Variants in ATG13 observed in about 807,000 individuals in gnomAD.
ATG13 encodes the protein autophagy-related protein 13.
Under a neutral mutation model 65.5 loss-of-function variants are expected in ATG13, and 23 were observed. That is an observed-to-expected ratio of 0.35 (90% CI 0.25 to 0.50). The LOEUF is 0.50. Ranked by LOEUF, ATG13 falls within the 20% of genes least tolerant of loss-of-function variation. The pLI is 0.98. For synonymous variants in ATG13, 252 were observed against 245.2 expected, an observed-to-expected ratio of 1.03 and a Z score of -0.26; for missense variants, 566 against 677.0, an observed-to-expected ratio of 0.84 and a Z score of 1.82.
Position 46,673,788 on chromosome 11 carries a change from A to T in ATG13, c.*1456A>T, listed in dbSNP as rs2064235094. 1.3e-5 allele frequency: 2 copies of T among 152,076 alleles called. No individual in the cohort carries two copies. Among genetic ancestry groups the T allele is most frequent in the African/African-American group, 4.8e-5 (2 of 41,396 alleles). 9.4% of individuals were successfully genotyped at this position (152,076 alleles called of 1,614,324 possible). A position where few individuals can be genotyped will look rare whatever the true frequency, so the allele number is the denominator to read the frequency against. Reference sequence around the variant, plus strand: ...CTCGCTGGTAGTCCTGGTCAAGGAGATCTAGGTCTACTCCATTCCTCCTGG... The same window carrying T: ...CTCGCTGGTAGTCCTGGTCAAGGAGTTCTAGGTCTACTCCATTCCTCCTGG... On this transcript the variant is annotated 3_prime_UTR_variant, in exon 19 of 19. Coordinates refer to ENST00000683050, the MANE Select transcript of ATG13 (RefSeq NM_001346311.2).
At position 46,668,517 on chromosome 11, in the gene ATG13, G is replaced by A; in HGVS notation, c.1270G>A (p.Asp424Asn). The change falls in exon 16 of 19, where the codon GAT becomes AAT. Residue 424 changes from aspartate (D) to asparagine (N), a missense_variant. Physicochemically the swap from Asp to Asn is conservative, Grantham distance 23 (BLOSUM62 1). Around this residue, in one of 2 missense-constraint regions of ATG13, gnomAD observed 387 missense variants for 409.8 expected, o/e 0.94. Transcript: ENST00000683050. ...PINQVTLTSL[D>N]IPFAMFAPKN... ...TCTTCAGGTGACCCTGACGAGTTTG[G>A]ATATACCCTTTGCCATGTTTGCTCC... 1 of 1,614,194 alleles carries A rather than the reference G, an allele frequency of 6.2e-7. No homozygotes were observed. The highest frequency in any genetic ancestry group is 8.5e-7 in the Non-Finnish European group (1 of 1,180,030).
At chr11:46,650,350 C>T in intron 7 of ATG13, 33 bp downstream of exon 7, 2 of 1,594,910 alleles carry the variant, frequency 1.3e-6, no homozygotes, top group Non-Finnish European at 1.7e-6. Flanking sequence ...TTGATTCACT[C>T]ATCAACCCCC....
rs1211773959 is a variant in ATG13 at position 46,657,630 on chromosome 11, A to C, written c.695+8A>C. The C allele has an allele frequency of 6.3e-7, 1 of 1,584,452 alleles. No individual in the cohort carries two copies. Among genetic ancestry groups the C allele is most frequent in the African/African-American group, 1.3e-5 (1 of 74,102 alleles). On this transcript the variant is annotated splice_region_variant and intron_variant, in intron 10 of 18. Transcript: ENST00000683050. The stretch of plus-strand genomic sequence containing the variant: ...GCACCCCTGCAATTACAGGTGAGGA[A>C]TGTGAAAAGGTGCTCTCCCAAACTG...
chr11:46,641,760 A>ATTT (rs56660832), intron 2 of ATG13, among the ~76,000 whole-genome samples: 10 of 144,278 alleles, frequency 6.9e-5, no homozygotes, highest in African/African-American at 2.0e-4. Context: ...GTTATACCTG[A>ATTT]TTTTTTTTTT....
intron 15 of ATG13, among the ~76,000 whole-genome samples, 198 bp from the exon 16 acceptor site, chr11:46,668,301 T>A (rs1383576641): frequency 6.6e-6 from 1 of 152,176 alleles, no homozygotes; most frequent in Non-Finnish European, 1.5e-5. Context: ...AACCCTTGTT[T>A]ATGCTGTGGG....
chr11:46,657,641 T>G lies in ATG13; in HGVS notation c.695+19T>G. ...ATTACAGGTGAGGAATGTGAAAAGG[T>G]GCTCTCCCAAACTGCAGCTGGGCAG... is the stretch of plus-strand genomic sequence containing the variant. On this transcript the variant is annotated intron_variant, in intron 10 of 18. Transcript: ENST00000683050. 6.4e-7 allele frequency: 1 copy of G among 1,565,016 alleles called. No homozygotes were observed. The highest frequency in any genetic ancestry group is 8.7e-7 in the Non-Finnish European group (1 of 1,152,122).
rs1409765831 is a variant in ATG13 at position 46,672,396 on chromosome 11, G to T, written c.*64G>T. On this transcript the variant is annotated 3_prime_UTR_variant, in exon 19 of 19. Transcript: ENST00000683050. Reference sequence around the variant, plus strand: ...CCCCAGGGCATAAGCAGCCTCCCATGCATCAGCTGCTCCCACCCCTCATCC... The same window carrying T: ...CCCCAGGGCATAAGCAGCCTCCCATTCATCAGCTGCTCCCACCCCTCATCC... The T allele has an allele frequency of 3.1e-6, 5 of 1,612,014 alleles. No homozygotes were observed. Among genetic ancestry groups the T allele is most frequent in the Non-Finnish European group, 3.4e-6 (4 of 1,178,616 alleles).
intron 18 of ATG13, among the ~76,000 whole-genome samples, chr11:46,670,858 A>G (rs1484766952): frequency 6.6e-6 from 1 of 152,156 alleles, no homozygotes; most frequent in Non-Finnish European, 1.5e-5. Flanking sequence ...TTTGAGTGCC[A>G]GGCATTTTTC....
Position 46,652,216 on chromosome 11 carries a change from C to G in ATG13, c.458+1899C>G, listed in dbSNP as rs139718659. ...GGAACCAAGATCACACCACTGCACT[C>G]CAGCCTGGGTGACAGGGCTATACTG... On this transcript the variant is annotated intron_variant, in intron 7 of 18. Transcript: ENST00000683050. 3.4e-3 allele frequency among the ~76,000 whole-genome samples: 523 copies of G among 152,156 alleles called. 2 individuals carry two copies. The highest frequency in any genetic ancestry group is 0.012 in the African/African-American group (505 of 41,500).
chr11:46,643,166 CAGACATTTGTTTCA>C (rs1382374445), intron 2 of ATG13, among the ~76,000 whole-genome samples: 1 of 152,158 alleles, frequency 6.6e-6, no homozygotes, highest in Non-Finnish European at 1.5e-5. Flanking sequence ...AGAGGTCTCT[CAGACATTTGTTTCA>C]AACGGCTGAT....
At chr11:46,647,251 T>A (rs1591842515) in intron 5 of ATG13, among the ~76,000 whole-genome samples, 1 of 151,542 alleles carries the variant, frequency 6.6e-6, no homozygotes, top group Non-Finnish European at 1.5e-5. Flanking sequence ...GTGGTGGTGG[T>A]GGTTGCTTTT....
intron 6 of ATG13, 23 bp from the exon 7 acceptor site, chr11:46,650,154 G>A (rs1221823695): frequency 1.2e-6 from 2 of 1,611,836 alleles, no homozygotes; most frequent in Non-Finnish European, 1.7e-6. Context: ...GAAGAATGCT[G>A]ACCATATCTT....
At chr11:46,640,301 A>C (rs890848537) in intron 2 of ATG13, among the ~76,000 whole-genome samples, 25 of 152,238 alleles carry the variant, frequency 1.6e-4, no homozygotes, top group Non-Finnish European at 2.1e-4. Flanking sequence ...TAATCTTCTA[A>C]GAATGGCTTC....
intron 5 of ATG13, among the ~76,000 whole-genome samples, chr11:46,648,432 A>G (rs1215015230): frequency 6.6e-6 from 1 of 152,180 alleles, no homozygotes. Context: ...AATGAAAATT[A>G]GAAACAACCT....
At chr11:46,668,074 A>G (rs2062780501) in intron 15 of ATG13, among the ~76,000 whole-genome samples, 187 bp downstream of exon 15, 1 of 152,372 alleles carries the variant, frequency 6.6e-6, no homozygotes, top group South Asian at 2.1e-4. Flanking sequence ...AGAATAAGTT[A>G]AGAACTATTG....
At chr11:46,668,619 T>C in intron 16 of ATG13, 43 bp downstream of exon 16, 2 of 1,586,904 alleles carry the variant, frequency 1.3e-6, no homozygotes, top group Non-Finnish European at 1.7e-6. Context: ...GATGGTGCGC[T>C]AGTCATTGTT....
At chr11:46,659,346 G>T in intron 10 of ATG13, 46 bp from the exon 11 acceptor site, 2 of 1,473,928 alleles carry the variant, frequency 1.4e-6, no homozygotes, top group South Asian at 2.3e-5. Context: ...TTCTGAAATT[G>T]ACTGCCACCA....
At position 46,645,395 on chromosome 11, in the gene ATG13, A is replaced by G; in HGVS notation, c.126A>G (p.Ser42=). The change falls in exon 4 of 19, where the codon TCA becomes TCG. Residue 42 remains serine (S), a synonymous_variant. Coordinates refer to ENST00000683050, the MANE Select transcript of ATG13 (RefSeq NM_001346311.2). ...RLGEKICTRS[S]SSPTGSDWFN... ...GTGAAAAGATTTGCACTCGTTCATC[A>G]TCTTCTCCAACGGGTTCAGATTGGG... 1 of 1,613,862 alleles carries G rather than the reference A, an allele frequency of 6.2e-7. No individual in the cohort carries two copies. The highest frequency in any genetic ancestry group is 8.5e-7 in the Non-Finnish European group (1 of 1,179,924).
chr11:46,622,780 G>A (rs1174854886), intron 1 of ATG13, among the ~76,000 whole-genome samples: 1 of 152,218 alleles, frequency 6.6e-6, no homozygotes, highest in Non-Finnish European at 1.5e-5. Flanking sequence ...GGGCAAAGCA[G>A]ATTAGATTCC....
Sources: gnomAD v4.1 joint callset for allele counts (sites outside exome capture counted in the v4.1 genomes callset) on GRCh38, gnomAD v4.1.1 for gene constraint, gnomAD v4.1.1 regional missense constraint, MANE v1.5 for transcripts, NCBI Gene and HGNC (gene_info 2026-07-23, HGNC 2026-07-21) for gene names.